CYRIA: variants seen among roughly 807,000 people sequenced by gnomAD.
CYRIA encodes CYFIP related Rac1 interactor A.
A neutral mutation model predicts 43.9 loss-of-function variants in CYRIA; 15 were observed. The ratio of observed to expected loss-of-function variants is 0.34; its 90% CI spans 0.23 to 0.53. CYRIA has a LOEUF of 0.53. Ranked by LOEUF, CYRIA falls within the 20% of genes least tolerant of loss-of-function variation. CYRIA has a pLI of 0.94. For synonymous variants in CYRIA, 117 were observed against 136.0 expected, an observed-to-expected ratio of 0.86 and a Z score of 0.97; for missense variants, 236 against 394.2, an observed-to-expected ratio of 0.60 and a Z score of 3.40.
intron 2 of CYRIA, among the ~76,000 whole-genome samples, chr2:16,611,140 A>G (rs1188854395): frequency 6.6e-6 from 1 of 151,280 alleles, no homozygotes; most frequent in African/African-American, 2.4e-5. Context: ...CGGGCAGATC[A>G]CAAGGTTAAG....
At chr2:16,586,050 A>T (rs1667719902) in intron 3 of CYRIA, among the ~76,000 whole-genome samples, 1 of 152,146 alleles carries the variant, frequency 6.6e-6, no homozygotes, top group African/African-American at 2.4e-5. Context: ...TGAGACTCCA[A>T]GAACAGCTAA....
intron 1 of CYRIA, among the ~76,000 whole-genome samples, chr2:16,644,302 C>A (rs1475863672): frequency 6.6e-6 from 1 of 152,138 alleles, no homozygotes; most frequent in African/African-American, 2.4e-5. Flanking sequence ...TCACACATCC[C>A]AATTAGTTGC....
rs964450819 is a variant in CYRIA at position 16,581,955 on chromosome 2, T to C, written c.70+6095A>G. Among the ~76,000 whole-genome samples the C allele has an allele frequency of 1.6e-4, 25 of 152,346 alleles. No individual in the cohort carries two copies. In the Middle Eastern group the frequency reaches 0.01, roughly 62 times the overall value. On this transcript the variant is annotated intron_variant, in intron 3 of 11. Transcript: ENST00000381323. ...AACATACAAAAAAGCATATTCTGTA[T>C]GATTCTATTTATATGAACTTAAAAA... is the stretch of plus-strand genomic sequence containing the variant.
At chr2:16,637,528 A>G (rs1357127605) in intron 1 of CYRIA, among the ~76,000 whole-genome samples, 3 of 152,228 alleles carry the variant, frequency 2.0e-5, no homozygotes, top group Non-Finnish European at 4.4e-5. Context: ...CTTGGACTTC[A>G]CAGCCTCCAG....
chr2:16,584,683 T>C (rs1667664503), intron 3 of CYRIA, among the ~76,000 whole-genome samples: 1 of 152,180 alleles, frequency 6.6e-6, no homozygotes, highest in Non-Finnish European at 1.5e-5. Context: ...CCAGCAAGCA[T>C]TTGGTGTTTC....
intron 1 of CYRIA, among the ~76,000 whole-genome samples, chr2:16,637,878 A>G (rs548007320): frequency 6.6e-6 from 1 of 152,306 alleles, no homozygotes; most frequent in East Asian, 1.9e-4. Flanking sequence ...ACAGCCAGTC[A>G]ATGGCAGAAG....
intron 1 of CYRIA, among the ~76,000 whole-genome samples, chr2:16,644,566 G>C (rs1017147586): frequency 3.3e-5 from 5 of 152,166 alleles, no homozygotes; most frequent in African/African-American, 1.2e-4. Flanking sequence ...GTCTGTCAAA[G>C]CTTCCTCTAA....
At chr2:16,627,332 A>G (rs2103515985) in intron 1 of CYRIA, among the ~76,000 whole-genome samples, 1 of 152,364 alleles carries the variant, frequency 6.6e-6, no homozygotes, top group Non-Finnish European at 1.5e-5. Context: ...GTTCACCAGC[A>G]GCAGAGCTTA....
intron 3 of CYRIA, among the ~76,000 whole-genome samples, chr2:16,566,604 C>T (rs1264791425): frequency 6.6e-6 from 1 of 152,086 alleles, no homozygotes; most frequent in Admixed American, 6.5e-5. Flanking sequence ...TGGTCTTGAC[C>T]ATAACTGTTA....
intron 2 of CYRIA, among the ~76,000 whole-genome samples, chr2:16,603,778 C>A (rs1182786392): frequency 6.6e-6 from 1 of 152,196 alleles, no homozygotes; most frequent in African/African-American, 2.4e-5. Context: ...GTAGTAAGCA[C>A]TGAAAAATAA....
At chr2:16,612,592 C>T (rs1668643682) in intron 2 of CYRIA, among the ~76,000 whole-genome samples, 1 of 152,200 alleles carries the variant, frequency 6.6e-6, no homozygotes, top group Admixed American at 6.5e-5. Context: ...GCCTGCCACC[C>T]ACTGCTAGGA....
At chr2:16,643,915 G>T (rs1371680229) in intron 1 of CYRIA, among the ~76,000 whole-genome samples, 1 of 152,210 alleles carries the variant, frequency 6.6e-6, no homozygotes, top group African/African-American at 2.4e-5. Context: ...ATTAGCCCCA[G>T]TGCCAAGCAC....
intron 2 of CYRIA, among the ~76,000 whole-genome samples, chr2:16,615,536 T>C (rs1430512407): frequency 6.6e-6 from 1 of 152,102 alleles, no homozygotes; most frequent in Non-Finnish European, 1.5e-5. Flanking sequence ...CTGGACTAGA[T>C]GGCTATGAAG....
In CYRIA at chr2:16,626,507, C is replaced by T. The variant is rs1572186525; in HGVS notation, c.-166-2488G>A. Reference sequence around the variant, plus strand: ...CACAAAGGCTCGCCAAGGGCAGGGGCTCACTCCAGGTCCCACAGCTAATGG... The same window carrying T: ...CACAAAGGCTCGCCAAGGGCAGGGGTTCACTCCAGGTCCCACAGCTAATGG... On this transcript the variant is annotated intron_variant, in intron 1 of 11. Transcript: ENST00000381323. Among the ~76,000 whole-genome samples, 3 of 152,290 alleles carry T rather than the reference C, an allele frequency of 2.0e-5. No individual in the cohort carries two copies. In the East Asian group the frequency reaches 5.8e-4, roughly 29 times the overall value.
chr2:16,653,954 T>G (rs1015230699), intron 1 of CYRIA, among the ~76,000 whole-genome samples: 1 of 152,206 alleles, frequency 6.6e-6, no homozygotes, highest in African/African-American at 2.4e-5. Context: ...TGAGCTAAAC[T>G]GAGCCAGTAG....
At chr2:16,654,193 A>T (rs1473135679) in intron 1 of CYRIA, among the ~76,000 whole-genome samples, 1 of 152,232 alleles carries the variant, frequency 6.6e-6, no homozygotes, top group African/African-American at 2.4e-5. Context: ...CTGATTCACC[A>T]AGCAAGCCAA....
intron 6 of CYRIA, 70 bp downstream of exon 6, chr2:16,561,935 A>G: frequency 6.8e-7 from 1 of 1,473,042 alleles, no homozygotes; most frequent in Non-Finnish European, 9.2e-7. Flanking sequence ...CCACAGCACT[A>G]ACAGAACAGC....
chr2:16,626,798 C>T (rs1050818227), intron 1 of CYRIA, among the ~76,000 whole-genome samples: 4 of 152,198 alleles, frequency 2.6e-5, no homozygotes, highest in African/African-American at 4.8e-5. Context: ...CAGCCACAGG[C>T]GGCCCAGGCT....
chr2:16,577,684 G>T (rs907848811), intron 3 of CYRIA, among the ~76,000 whole-genome samples: 1 of 152,106 alleles, frequency 6.6e-6, no homozygotes, highest in Non-Finnish European at 1.5e-5. Flanking sequence ...AAAGCTGAGA[G>T]GCCCTGGGAG....
Sources: gnomAD v4.1 joint callset for allele counts (sites outside exome capture counted in the v4.1 genomes callset) on GRCh38, gnomAD v4.1.1 for gene constraint, MANE v1.5 for transcripts, NCBI Gene and HGNC (gene_info 2026-07-23, HGNC 2026-07-21) for gene names.